The following TULP4 variants were observed in gnomAD, a reference collection of about 807,000 sequenced individuals.
TULP4 encodes the protein tubby-related protein 4.
TULP4 carries 16 observed loss-of-function variants against 129.0 expected under a neutral mutation model. The observed-to-expected ratio is 0.12, with a 90% CI of 0.08 to 0.19. The LOEUF (loss-of-function observed/expected upper bound fraction) is 0.19. Ranked by LOEUF, TULP4 falls within the 10% of genes least tolerant of loss-of-function variation. TULP4 has a pLI of 1.00. For missense variants in TULP4, 1,842 were observed against 2,059.1 expected (o/e 0.89, Z 2.04); for synonymous variants, 998 against 854.0 (o/e 1.17, Z -2.94).
chr6:158,444,611 A>G (rs1017028918), intron 3 of TULP4, among the ~76,000 whole-genome samples: 1 of 152,192 alleles, frequency 6.6e-6, no homozygotes, highest in Non-Finnish European at 1.5e-5. Context: ...AGACAAAGGT[A>G]CTGATGAGAT....
At chr6:158,255,983 A>G (rs1015376997) in intron 1 of TULP4, among the ~76,000 whole-genome samples, 18 of 151,574 alleles carry the variant, frequency 1.2e-4, no homozygotes, top group African/African-American at 4.4e-4. Context: ...ACATTTAAGG[A>G]TTTTGGTCTT....
In TULP4 at chr6:158,443,946, G is replaced by A. The variant is rs530567034; in HGVS notation, c.544-5050G>A. 2.0e-4 allele frequency among the ~76,000 whole-genome samples: 31 copies of A among 152,132 alleles called. 2 individuals carry two copies. Among genetic ancestry groups the A allele is most frequent in the South Asian group, 1.0e-3 (5 of 4,824 alleles). On this transcript the variant is annotated intron_variant, in intron 3 of 13. Transcript: ENST00000367097. ...GTCTTAAAAAATTTTTTGGCCGGGT[G>A]CGGTGGCTCACGCCTGTAATCCCAG...
At chr6:158,452,900 G>A (rs1164961565) in intron 5 of TULP4, among the ~76,000 whole-genome samples, 1 of 152,218 alleles carries the variant, frequency 6.6e-6, no homozygotes, top group Non-Finnish European at 1.5e-5. Context: ...TGTTGATGTT[G>A]TTGACCCCAT....
intron 1 of TULP4, among the ~76,000 whole-genome samples, chr6:158,389,631 A>G (rs996426053): frequency 3.0e-4 from 46 of 152,148 alleles, no homozygotes; most frequent in African/African-American, 1.1e-3. Context: ...GTTTTAATTA[A>G]TTTATTGCAA....
intron 1 of TULP4, among the ~76,000 whole-genome samples, chr6:158,232,937 T>G (rs922075789): frequency 6.6e-6 from 1 of 152,244 alleles, no homozygotes; most frequent in Non-Finnish European, 1.5e-5. Flanking sequence ...CTGTGCTGTT[T>G]CCTCTGGCAA....
At chr6:158,364,186 A>G (rs1780867224) in intron 1 of TULP4, among the ~76,000 whole-genome samples, 1 of 152,220 alleles carries the variant, frequency 6.6e-6, no homozygotes, top group African/African-American at 2.4e-5. Flanking sequence ...ATATTGTATA[A>G]TATTTAGGAA....
At chr6:158,340,489 C>G (rs1321626909) in intron 1 of TULP4, among the ~76,000 whole-genome samples, 1 of 151,954 alleles carries the variant, frequency 6.6e-6, no homozygotes, top group African/African-American at 2.4e-5. Context: ...TGATATTATC[C>G]CTCTGGAGGA....
In TULP4 at chr6:158,452,050, G is replaced by A. The variant is rs1294759870; in HGVS notation, c.725-84G>A. The A allele has an allele frequency of 2.7e-5, 43 of 1,567,624 alleles. 1 individual carries two copies. The South Asian group carries it at 5.1e-4, about 18-fold the overall frequency. On this transcript the variant is annotated intron_variant, in intron 4 of 13. Coordinates refer to ENST00000367097, the MANE Select transcript of TULP4 (RefSeq NM_020245.5). ...TCTGCATTGTCAGGCAATTTCTAAG[G>A]CACCATGCAAGATTTCAGCTTTGGG...
chr6:158,419,308 G>A (rs890159086), intron 2 of TULP4, among the ~76,000 whole-genome samples: 12 of 152,120 alleles, frequency 7.9e-5, no homozygotes, highest in Non-Finnish European at 1.8e-4. Context: ...CTCATTACCT[G>A]AAATGTAATA....
intron 1 of TULP4, among the ~76,000 whole-genome samples, chr6:158,379,013 G>A (rs193075303): frequency 9.9e-5 from 15 of 152,282 alleles, no homozygotes; most frequent in Admixed American, 9.1e-4. Context: ...AGTTTTGTGT[G>A]GGAAGCAGCC....
chr6:158,402,198 T>C (rs992462206), intron 1 of TULP4, among the ~76,000 whole-genome samples: 5 of 152,166 alleles, frequency 3.3e-5, no homozygotes, highest in African/African-American at 1.2e-4. Context: ...TTACTCACCA[T>C]AGGGAGCTTT....
At chr6:158,373,314 A>G (rs1777112130) in intron 1 of TULP4, among the ~76,000 whole-genome samples, 1 of 152,176 alleles carries the variant, frequency 6.6e-6, no homozygotes, top group Non-Finnish European at 1.5e-5. Context: ...GGGTTAAGTG[A>G]CTTGCTCCCA....
intron 1 of TULP4, among the ~76,000 whole-genome samples, chr6:158,265,843 C>A (rs1325354634): frequency 6.6e-6 from 1 of 152,096 alleles, no homozygotes; most frequent in East Asian, 1.9e-4. Context: ...GACAGCACCC[C>A]CAATATTAAG....
intron 1 of TULP4, among the ~76,000 whole-genome samples, chr6:158,367,130 C>T (rs987039237): frequency 1.3e-5 from 2 of 152,198 alleles, no homozygotes; most frequent in African/African-American, 4.8e-5. Flanking sequence ...GAGTTGGCCA[C>T]TGTCACCTCT....
intron 1 of TULP4, among the ~76,000 whole-genome samples, chr6:158,276,671 TCC>T (rs1778651568): frequency 1.3e-5 from 2 of 152,092 alleles, no homozygotes; most frequent in African/African-American, 4.8e-5. Flanking sequence ...TGTCATAGGG[TCC>T]CTTTGCCCAG....
intron 6 of TULP4, among the ~76,000 whole-genome samples, chr6:158,472,118 G>A (rs965933631): frequency 6.6e-6 from 1 of 152,168 alleles, no homozygotes; most frequent in African/African-American, 2.4e-5. Context: ...CTAGTGGATT[G>A]AGGCTCCCCT....
intron 10 of TULP4, among the ~76,000 whole-genome samples, chr6:158,494,419 A>G (rs914212693): frequency 1.3e-5 from 2 of 152,218 alleles, no homozygotes; most frequent in African/African-American, 4.8e-5. Flanking sequence ...ACTGGTACCA[A>G]TGCAACCGAT....
chr6:158,497,149 A>C (rs920994426), intron 11 of TULP4, among the ~76,000 whole-genome samples: 3 of 152,244 alleles, frequency 2.0e-5, no homozygotes, highest in African/African-American at 7.2e-5. Flanking sequence ...TACCATGCTC[A>C]TCCTGATCTT....
upstream of TULP4, among the ~76,000 whole-genome samples, chr6:158,280,233 T>C (rs1294667130): frequency 5.3e-5 from 8 of 152,226 alleles, no homozygotes; most frequent in African/African-American, 1.7e-4. Context: ...AAAAAACTTA[T>C]ACATTAAAAA....
Sources: allele counts gnomAD v4.1 joint callset (sites outside exome capture counted in the v4.1 genomes callset), GRCh38; gene constraint gnomAD v4.1.1; transcripts MANE v1.5; gene names NCBI Gene and HGNC (gene_info 2026-07-23, HGNC 2026-07-21).